The following PRKN variants were observed in gnomAD, a reference collection of about 807,000 sequenced individuals.
PRKN encodes the protein E3 ubiquitin-protein ligase parkin.
PRKN carries 56 observed loss-of-function variants against 59.5 expected under a neutral mutation model. That is an observed-to-expected ratio of 0.94 (90% CI 0.76 to 1.18). The LOEUF is 1.18. Ranked by LOEUF, PRKN falls within the 50% of genes most tolerant of loss-of-function variation. The probability of loss-of-function intolerance (pLI) is 0.00; values close to 1 mark genes in which losing one functional copy is unlikely to be tolerated. For synonymous variants in PRKN, 250 were observed against 222.1 expected (o/e 1.13, Z -1.12); for missense variants, 657 against 596.4 (o/e 1.10, Z -1.06).
chr6:162,232,278 GCT>G (rs1336817255), intron 3 of PRKN, among the ~76,000 whole-genome samples: 1 of 152,106 alleles, frequency 6.6e-6, no homozygotes, highest in Non-Finnish European at 1.5e-5. Flanking sequence ...AAGGCTATGT[GCT>G]CAGGGCCTTT....
chr6:162,669,839 T>C (rs751939806), intron 1 of PRKN, among the ~76,000 whole-genome samples: 3 of 152,166 alleles, frequency 2.0e-5, no homozygotes, highest in Non-Finnish European at 4.4e-5. Context: ...ATTATAGGAT[T>C]GAGGGATGGC....
chr6:162,717,806 T>G (rs187292515), intron 1 of PRKN, among the ~76,000 whole-genome samples: 4 of 152,226 alleles, frequency 2.6e-5, no homozygotes, highest in Non-Finnish European at 4.4e-5. Flanking sequence ...AACATGAGCA[T>G]AGTATGCTAC....
intron 2 of PRKN, among the ~76,000 whole-genome samples, chr6:162,393,685 T>G (rs1787334767): frequency 6.6e-6 from 1 of 152,224 alleles, no homozygotes; most frequent in African/African-American, 2.4e-5. Context: ...CATGGTATTG[T>G]GGTAAGAGTA....
chr6:161,735,927 A>C (rs1390379559), intron 7 of PRKN, among the ~76,000 whole-genome samples: 1 of 152,144 alleles, frequency 6.6e-6, no homozygotes, highest in Non-Finnish European at 1.5e-5. Flanking sequence ...AAAAAACAAA[A>C]AAAAAAGTGA....
intron 2 of PRKN, among the ~76,000 whole-genome samples, chr6:162,428,758 C>T (rs562548618): frequency 3.3e-5 from 5 of 152,266 alleles, no homozygotes; most frequent in Admixed American, 1.3e-4. Context: ...CCCCATGCTC[C>T]GTCCCCCAAA....
chr6:161,932,359 C>T (rs1171389375), intron 6 of PRKN, among the ~76,000 whole-genome samples: 1 of 151,932 alleles, frequency 6.6e-6, no homozygotes, highest in Non-Finnish European at 1.5e-5. Context: ...ATTTTTATAT[C>T]AACTATAATT....
intron 2 of PRKN, chr6:162,263,203 CCGAG>C: frequency 1.7e-5 from 4 of 241,654 alleles, no homozygotes; most frequent in Admixed American, 1.0e-4. Context: ...CCTCAGCCTC[CCGAG>C]TAGCTGGGAT....
At chr6:162,163,849 C>A (rs1782863177) in intron 4 of PRKN, among the ~76,000 whole-genome samples, 2 of 148,994 alleles carry the variant, frequency 1.3e-5, no homozygotes. Context: ...CACCCACAAC[C>A]AGGAATTAGG....
intron 4 of PRKN, among the ~76,000 whole-genome samples, chr6:162,165,916 T>C (rs2023083): frequency 0.93 from 140,618 of 151,780 alleles, 65,493 homozygotes; most frequent in Middle Eastern, 0.97. Flanking sequence ...GGTGTGGTGG[T>C]GGGCACCTGT....
chr6:161,786,767 G>C (rs914446851), intron 6 of PRKN, among the ~76,000 whole-genome samples: 1 of 152,100 alleles, frequency 6.6e-6, no homozygotes, highest in Non-Finnish European at 1.5e-5. Context: ...TTATCCAACA[G>C]GGATTCTTCT....
intron 4 of PRKN, among the ~76,000 whole-genome samples, chr6:162,073,100 T>G (rs1778650674): frequency 6.6e-6 from 1 of 152,184 alleles, no homozygotes; most frequent in Non-Finnish European, 1.5e-5. Flanking sequence ...AATGAGCTAA[T>G]TAATGTGAAA....
At chr6:162,727,522 C>T (rs1225592721) in intron 1 of PRKN, 140 bp downstream of exon 1, 9 of 940,732 alleles carry the variant, frequency 9.6e-6, no homozygotes, top group South Asian at 1.6e-5. Context: ...CCCGGCGGCG[C>T]GGGCCGGGGA....
At chr6:162,553,011 G>T (rs1459472215) in intron 1 of PRKN, among the ~76,000 whole-genome samples, 1 of 152,132 alleles carries the variant, frequency 6.6e-6, no homozygotes, top group Non-Finnish European at 1.5e-5. Flanking sequence ...GCTTGGCATT[G>T]CCCAAAGCTG....
chr6:162,026,724 CG>C (rs1562469511), intron 5 of PRKN, among the ~76,000 whole-genome samples: 1 of 152,006 alleles, frequency 6.6e-6, no homozygotes, highest in African/African-American at 2.4e-5. Context: ...TGGCTTGAAA[CG>C]TAATTGTGCT....
At position 162,331,733 on chromosome 6, in the gene PRKN, G is replaced by T. The variant is rs77383352; in HGVS notation, c.172-68968C>A. On this transcript the variant is annotated intron_variant, in intron 2 of 11. Transcript: ENST00000366898. ...GAGGATCTAGACCCTGCCTTTTCTAGAAATGTGGAGGCCAGTTTTCCTAAA... is the reference window on the plus strand; with the variant it reads ...GAGGATCTAGACCCTGCCTTTTCTATAAATGTGGAGGCCAGTTTTCCTAAA... 6.2e-3 allele frequency among the ~76,000 whole-genome samples: 939 copies of T among 152,218 alleles called. 5 individuals carry two copies. Among genetic ancestry groups the T allele is most frequent in the African/African-American group, 0.022 (898 of 41,524 alleles).
chr6:161,742,958 C>T lies in PRKN; in HGVS notation c.871+42814G>A, dbSNP rs1451155093. 2.0e-5 allele frequency among the ~76,000 whole-genome samples: 3 copies of T among 152,136 alleles called. No homozygotes were observed. In the East Asian group the frequency reaches 5.8e-4, roughly 29 times the overall value. ...CCAACCTGGTTCCTGGTCTTTCCTGCTTCTGATAGAGAATATTTAGTTTAA... is the reference window on the plus strand; with the variant it reads ...CCAACCTGGTTCCTGGTCTTTCCTGTTTCTGATAGAGAATATTTAGTTTAA... On this transcript the variant is annotated intron_variant, in intron 7 of 11. Transcript: ENST00000366898.
intron 7 of PRKN, among the ~76,000 whole-genome samples, chr6:161,644,389 C>G (rs1050773348): frequency 6.6e-6 from 1 of 152,140 alleles, no homozygotes; most frequent in Non-Finnish European, 1.5e-5. Flanking sequence ...GAGAGAGTTG[C>G]ATATTAGTTA....
intron 5 of PRKN, among the ~76,000 whole-genome samples, chr6:162,025,077 G>A (rs560741917): frequency 3.4e-4 from 50 of 147,876 alleles, no homozygotes; most frequent in Admixed American, 8.1e-4. Context: ...GTGCAGTGGC[G>A]CAATCTCGGC....
intron 7 of PRKN, among the ~76,000 whole-genome samples, chr6:161,681,943 C>T (rs976644078): frequency 1.3e-5 from 2 of 152,216 alleles, no homozygotes; most frequent in East Asian, 1.9e-4. Flanking sequence ...GACCAGGGAC[C>T]GCCTCCTGGG....
Sources: allele counts gnomAD v4.1 joint callset (sites outside exome capture counted in the v4.1 genomes callset), GRCh38; gene constraint gnomAD v4.1.1; transcripts MANE v1.5; gene names NCBI Gene and HGNC (gene_info 2026-07-23, HGNC 2026-07-21).